DUSP4: variants seen among roughly 807,000 people sequenced by gnomAD.
DUSP4 encodes dual specificity protein phosphatase 4.
A neutral mutation model predicts 27.2 loss-of-function variants in DUSP4; 12 were observed. The ratio of observed to expected loss-of-function variants is 0.44; its 90% CI spans 0.28 to 0.71. The LOEUF is 0.71. Ranked by LOEUF, DUSP4 falls within the 30% of genes least tolerant of loss-of-function variation. The pLI is 0.14. For synonymous variants in DUSP4, 257 were observed against 245.2 expected (o/e 1.05, Z -0.45); for missense variants, 448 against 551.3 (o/e 0.81, Z 1.88).
chr8:29,345,750 C>A, intron 1 of DUSP4: 1 of 1,316,992 alleles, frequency 7.6e-7, no homozygotes, highest in Admixed American at 3.9e-5. Flanking sequence ...TCTAAAGGGT[C>A]AAATTTCACT....
chr8:29,346,272 T>C (rs1266322469), intron 1 of DUSP4, among the ~76,000 whole-genome samples: 1 of 152,192 alleles, frequency 6.6e-6, no homozygotes, highest in Non-Finnish European at 1.5e-5. Context: ...CTGGAATATC[T>C]AGATGATCTT....
At position 29,337,371 on chromosome 8, in the gene DUSP4, G is replaced by A. The variant is rs1190665946; in HGVS notation, c.840C>T (p.Cys280=). The A allele has an allele frequency of 6.2e-7, 1 of 1,610,084 alleles. No homozygotes were observed. Among genetic ancestry groups the A allele is most frequent in the Non-Finnish European group, 8.5e-7 (1 of 1,179,940 alleles). ...KDCRGRVLVH[C]QAGISRSATI... ...TGGCCGACCGCGAGATGCCCGCCTG[G>A]CAGTGCACCAGCACGCGCCCACGGC... is the stretch of plus-strand genomic sequence containing the variant. The change falls in exon 4 of 4, where the codon TGC becomes TGT. Residue 280 remains cysteine, a synonymous_variant. Coordinates refer to ENST00000240100, the MANE Select transcript of DUSP4 (RefSeq NM_001394.7). The surrounding 1 kb of genome is among the most constrained non-coding windows in gnomAD (Gnocchi z 6.4).
Position 29,337,521 on chromosome 8 carries a change from G to A in DUSP4, c.800-110C>T. ...GGGCTCTGAAGGAAGGACTAGCCGTGCTAGACCAAGGACTGGAGAGGAAGA... is the reference window on the plus strand; with the variant it reads ...GGGCTCTGAAGGAAGGACTAGCCGTACTAGACCAAGGACTGGAGAGGAAGA... On this transcript the variant is annotated intron_variant, in intron 3 of 3. Transcript: ENST00000240100. The surrounding 1 kb of genome is among the most constrained non-coding windows in gnomAD (Gnocchi z 6.4). 7.0e-7 allele frequency: 1 copy of A among 1,436,188 alleles called. No homozygotes were observed. Among genetic ancestry groups the A allele is most frequent in the South Asian group, 1.4e-5 (1 of 72,012 alleles). The allele number at this position is 1,436,188 out of a possible 1,614,324, so 89.0% of individuals were successfully genotyped here.
At chr8:29,348,669 GC>G in intron 1 of DUSP4, 1 of 985,386 alleles carries the variant, frequency 1.0e-6, no homozygotes, top group Non-Finnish European at 1.2e-6. Flanking sequence ...AGAGGTTTCC[GC>G]CCCCTTTCCA....
Position 29,350,123 on chromosome 8 carries a change from C to A in DUSP4, c.156G>T (p.Pro52=), listed in dbSNP as rs187255121. The part of the protein sequence containing the change: ...GGKCLLLDCR[P]FLAHSAGYIL... ...TGTAGCCCGCGCTGTGCGCCAGGAA[C>A]GGTCTGCAGTCCAGCAGCAGGCACT... Residue 52 remains proline, a synonymous_variant, in exon 1 of 4, where the codon CCG becomes CCT. Transcript: ENST00000240100. 17 of 1,609,380 alleles carry A rather than the reference C, an allele frequency of 1.1e-5. No individual in the cohort carries two copies. The highest frequency in any genetic ancestry group is 3.3e-4 in the Middle Eastern group (2 of 6,056).
At chr8:29,338,770 T>G (rs1368908346) in intron 2 of DUSP4, among the ~76,000 whole-genome samples, 1 of 152,184 alleles carries the variant, frequency 6.6e-6, no homozygotes, top group African/African-American at 2.4e-5. Context: ...ACCTCCCCCA[T>G]GGCAAAATAA....
At chr8:29,347,957 C>T (rs1817759467) in intron 1 of DUSP4, 2 of 985,484 alleles carry the variant, frequency 2.0e-6, no homozygotes, top group Non-Finnish European at 2.4e-6. Context: ...AAAAATAATC[C>T]CTCTCTCCCC....
Position 29,350,513 on chromosome 8 carries a change from GAGC to G in DUSP4, c.-238_-236del. On this transcript the variant is annotated 5_prime_UTR_variant, in exon 1 of 4. Transcript: ENST00000240100. ...CGGGCGCCCAGCCGGGCGGCGCGCA[GAGC>G]GGAGGGGGAGGCGCCGGTGGAGGAG... 5 of 544,590 alleles carry G rather than the reference GAGC, an allele frequency of 9.2e-6. No homozygotes were observed. The South Asian group carries it at 1.4e-4, about 15-fold the overall frequency. The allele number at this position is 544,590 out of a possible 1,614,324, so 33.7% of individuals were successfully genotyped here.
At position 29,346,384 on chromosome 8, in the gene DUSP4, G is replaced by A. The variant is rs35439052; in HGVS notation, c.433+3462C>T. ...AAAGGAAGGTAATGTTTTTATACCT[G>A]CAATCTTTTTGCATAACAGATTATT... On this transcript the variant is annotated intron_variant, in intron 1 of 3. Transcript: ENST00000240100. Among the ~76,000 whole-genome samples the A allele has an allele frequency of 2.8e-3, 433 of 152,320 alleles. 4 individuals are homozygous for A. Among genetic ancestry groups the A allele is most frequent in the Non-Finnish European group, 4.0e-3 (272 of 68,030 alleles).
intron 1 of DUSP4, among the ~76,000 whole-genome samples, chr8:29,342,440 T>A (rs1008912195): frequency 6.6e-6 from 1 of 151,876 alleles, no homozygotes; most frequent in Non-Finnish European, 1.5e-5. Flanking sequence ...AGTTTTCCCT[T>A]CTCGGTGCCT....
At chr8:29,339,986 A>T in intron 2 of DUSP4, 112 bp downstream of exon 2, 2 of 1,375,498 alleles carry the variant, frequency 1.5e-6, no homozygotes, top group Non-Finnish European at 2.0e-6. Context: ...ACAGAGCAAG[A>T]CTGTCTCAAA....
chr8:29,344,583 C>T (rs1318910729), intron 1 of DUSP4, among the ~76,000 whole-genome samples: 1 of 152,168 alleles, frequency 6.6e-6, no homozygotes, highest in Non-Finnish European at 1.5e-5. Context: ...ACTCCATCTA[C>T]AGTTCAACTC....
chr8:29,340,591 C>T (rs369863870), intron 1 of DUSP4, among the ~76,000 whole-genome samples: 3 of 152,102 alleles, frequency 2.0e-5, no homozygotes, highest in African/African-American at 7.2e-5. Flanking sequence ...AAAGGTCACG[C>T]TGGGCTTCCA....
intron 1 of DUSP4, chr8:29,348,466 C>T (rs1387324510): frequency 9.3e-5 from 92 of 985,568 alleles, no homozygotes; most frequent in Non-Finnish European, 1.1e-4. Context: ...AAAAGACAGC[C>T]CTCGCGGAAA....
rs998956362 is a variant in DUSP4 at position 29,336,511 on chromosome 8, T to C, written c.*515A>G. 1 of 152,888 alleles carries C rather than the reference T, an allele frequency of 6.5e-6. No individual in the cohort carries two copies. The highest frequency in any genetic ancestry group is 2.4e-5 in the African/African-American group (1 of 41,432). 9.5% of individuals were successfully genotyped at this position (152,888 alleles called of 1,614,324 possible). A position where few individuals can be genotyped will look rare whatever the true frequency, so the allele number is the denominator to read the frequency against. On this transcript the variant is annotated 3_prime_UTR_variant, in exon 4 of 4. Coordinates refer to ENST00000240100, the MANE Select transcript of DUSP4 (RefSeq NM_001394.7). ...GCATAATTATTCATCTGTTGGTGAC[T>C]GAGAAATGAAAACCACACCTTCGAA... is the stretch of plus-strand genomic sequence containing the variant.
intron 1 of DUSP4, chr8:29,348,760 G>A (rs1015434042): frequency 3.0e-6 from 3 of 985,350 alleles, no homozygotes; most frequent in East Asian, 1.1e-4. Flanking sequence ...GGCGCCTGCG[G>A]GGGGGAGGAG....
At position 29,350,306 on chromosome 8, in the gene DUSP4, G is replaced by T; in HGVS notation, c.-28C>A. 1.3e-6 allele frequency: 2 copies of T among 1,550,124 alleles called. No individual in the cohort carries two copies. The highest frequency in any genetic ancestry group is 8.7e-7 in the Non-Finnish European group (1 of 1,150,018). ...TCGCCGGGAACCGAGGCGGCTGGGC[G>T]CGCGAGGAAGAGAAGAGAACCCGGG... is the stretch of plus-strand genomic sequence containing the variant. On this transcript the variant is annotated 5_prime_UTR_variant, in exon 1 of 4. Coordinates refer to ENST00000240100, the MANE Select transcript of DUSP4 (RefSeq NM_001394.7).
intron 1 of DUSP4, among the ~76,000 whole-genome samples, chr8:29,346,862 G>T (rs545202278): frequency 6.6e-6 from 1 of 152,290 alleles, no homozygotes; most frequent in African/African-American, 2.4e-5. Context: ...GCAATTAATA[G>T]AATTAGATAG....
intron 1 of DUSP4, among the ~76,000 whole-genome samples, chr8:29,343,790 T>C (rs754416776): frequency 6.6e-6 from 1 of 152,204 alleles, no homozygotes. Context: ...TATGGAACTT[T>C]TCTTCAGATG....
Sources: gnomAD v4.1 joint callset for allele counts (sites outside exome capture counted in the v4.1 genomes callset) on GRCh38, gnomAD v4.1.1 for gene constraint, Gnocchi (gnomAD v3.1) non-coding constraint, MANE v1.5 for transcripts, NCBI Gene and HGNC (gene_info 2026-07-23, HGNC 2026-07-21) for gene names.